Variants in CAMTA1 observed in about 807,000 individuals in gnomAD.
CAMTA1 encodes calmodulin binding transcription activator 1.
In CAMTA1, 27 loss-of-function variants were observed where a neutral mutation model predicts 170.9. The ratio of observed to expected loss-of-function variants is 0.16; its 90% confidence interval spans 0.12 to 0.22. The LOEUF (loss-of-function observed/expected upper bound fraction) is 0.22. Among genes scored for constraint, CAMTA1 ranks in the 10% least tolerant of loss-of-function variants. The pLI is 1.00. For synonymous variants in CAMTA1, 833 were observed against 891.5 expected, an observed-to-expected ratio of 0.93 and a Z score of 1.17; for missense variants, 1,619 against 2,217.2, an observed-to-expected ratio of 0.73 and a Z score of 5.42.
chr1:7,486,564 C>CG (rs1216210696), intron 6 of CAMTA1, among the ~76,000 whole-genome samples: 1 of 152,206 alleles, frequency 6.6e-6, no homozygotes, highest in Admixed American at 6.5e-5. Flanking sequence ...CCAAGGCTGA[C>CG]GGGGGCCTGC....
intron 3 of CAMTA1, among the ~76,000 whole-genome samples, chr1:6,854,484 CTGT>C (rs931544999): frequency 3.4e-4 from 51 of 152,176 alleles, no homozygotes; most frequent in African/African-American, 1.1e-3. Context: ...GAATGTATCC[CTGT>C]TGTTAAGCAA....
chr1:7,435,362 G>A lies in CAMTA1; in HGVS notation c.439-32468G>A, dbSNP rs1289002809. Among the ~76,000 whole-genome samples, 1 of 152,170 alleles carries A rather than the reference G, an allele frequency of 6.6e-6. No homozygotes were observed. Among genetic ancestry groups the A allele is most frequent in the East Asian group, 1.9e-4 (1 of 5,180 alleles). ...CAGAATCCCATCATTCTAAAGCCCA[G>A]AATCCCAGAACTCCAGAATTCCAAG... On this transcript the variant is annotated intron_variant, in intron 5 of 22. Coordinates refer to ENST00000303635, the MANE Select transcript of CAMTA1 (RefSeq NM_015215.4). This position sits in a 1 kb window ranked among gnomAD's most constrained non-coding sequence, Gnocchi z 4.4.
At chr1:7,221,043 G>T (rs1299509936) in intron 4 of CAMTA1, among the ~76,000 whole-genome samples, 1 of 152,162 alleles carries the variant, frequency 6.6e-6, no homozygotes, top group Non-Finnish European at 1.5e-5. Flanking sequence ...GAGAGCCAGG[G>T]CAGCAAGCAC....
At chr1:7,303,157 A>G (rs994189877) in intron 5 of CAMTA1, among the ~76,000 whole-genome samples, 1 of 152,194 alleles carries the variant, frequency 6.6e-6, no homozygotes, top group African/African-American at 2.4e-5. Context: ...AACATTAACT[A>G]GTATAAGCAC....
chr1:7,216,035 A>T lies in CAMTA1; in HGVS notation c.303-33456A>T, dbSNP rs773929120. ...TTTATAAAGACAAGAAGTTTAATTG[A>T]CTCATGGTTCCACAGGCTTTACAGG... On this transcript the variant is annotated intron_variant, in intron 4 of 22. Transcript: ENST00000303635. The surrounding 1 kb of genome is among the most constrained non-coding windows in gnomAD (Gnocchi z 4.0). Among the ~76,000 whole-genome samples the T allele has an allele frequency of 6.6e-6, 1 of 152,158 alleles. No homozygotes were observed. Among genetic ancestry groups the T allele is most frequent in the Non-Finnish European group, 1.5e-5 (1 of 68,028 alleles).
rs1188083081 is a variant in CAMTA1, at chr1:7,682,982, T to A, written c.2914+5249T>A. 6.6e-6 allele frequency among the ~76,000 whole-genome samples: 1 copy of A among 152,060 alleles called. No individual in the cohort carries two copies. Among genetic ancestry groups the A allele is most frequent in the African/African-American group, 2.4e-5 (1 of 41,408 alleles). On this transcript the variant is annotated intron_variant, in intron 11 of 22. Transcript: ENST00000303635. This position sits in a 1 kb window ranked among gnomAD's most constrained non-coding sequence, Gnocchi z 5.0. Reference sequence around the variant, plus strand: ...GTCAGGAGATCGAGCCCATCCTGGTTAACACGGTGAAACCCCGCCTCTACT... The same window carrying A: ...GTCAGGAGATCGAGCCCATCCTGGTAAACACGGTGAAACCCCGCCTCTACT...
intron 3 of CAMTA1, among the ~76,000 whole-genome samples, chr1:6,852,111 C>A (rs1203016519): frequency 2.0e-5 from 3 of 151,604 alleles, no homozygotes; most frequent in Non-Finnish European, 4.4e-5. Flanking sequence ...AATAGTGCAT[C>A]CTTCTCAGAA....
intron 3 of CAMTA1, among the ~76,000 whole-genome samples, chr1:7,049,399 T>A (rs146547230): frequency 7.2e-5 from 11 of 152,318 alleles, no homozygotes; most frequent in Admixed American, 1.3e-4. Flanking sequence ...GATCCTGCTA[T>A]GCATATTGTT....
intron 7 of CAMTA1, among the ~76,000 whole-genome samples, chr1:7,650,712 G>A (rs571504309): frequency 4.1e-4 from 63 of 152,264 alleles, no homozygotes; most frequent in African/African-American, 1.3e-3. Flanking sequence ...CAGCCTCTGC[G>A]CTCCTCGAAA....
rs532742552 is a variant in CAMTA1 at position 6,894,254 on chromosome 1, G to A, written c.234+69044G>A. Among the ~76,000 whole-genome samples the A allele has an allele frequency of 2.6e-4, 39 of 152,362 alleles. 1 individual carries two copies. The highest frequency in any genetic ancestry group is 8.9e-4 in the African/African-American group (37 of 41,586). On this transcript the variant is annotated intron_variant, in intron 3 of 22. Coordinates refer to ENST00000303635, the MANE Select transcript of CAMTA1 (RefSeq NM_015215.4). ...TAAGAACCAGCCATTCACTGTGAAA[G>A]CGAAGTTGCTGGGAAGTTTGTTTTA...
intron 6 of CAMTA1, among the ~76,000 whole-genome samples, chr1:7,591,766 A>C (rs1008913249): frequency 6.6e-6 from 1 of 152,210 alleles, no homozygotes; most frequent in Non-Finnish European, 1.5e-5. Flanking sequence ...CACCGTGCTC[A>C]GGCCACGCTG....
intron 3 of CAMTA1, among the ~76,000 whole-genome samples, chr1:6,898,391 A>C (rs1362915560): frequency 6.6e-6 from 1 of 152,094 alleles, no homozygotes; most frequent in Non-Finnish European, 1.5e-5. Flanking sequence ...GTCTCTACTA[A>C]AAATAGAAAA....
intron 3 of CAMTA1, among the ~76,000 whole-genome samples, chr1:7,029,219 C>T (rs1292515250): frequency 2.6e-5 from 4 of 152,078 alleles, no homozygotes; most frequent in East Asian, 3.8e-4. Flanking sequence ...ATCAAGGGCT[C>T]GGCTGGGCAC....
chr1:7,109,507 A>G (rs936950418), intron 4 of CAMTA1, among the ~76,000 whole-genome samples: 5 of 152,216 alleles, frequency 3.3e-5, no homozygotes, highest in African/African-American at 1.2e-4. Flanking sequence ...ATTGATGCCC[A>G]GAGCAGACAT....
At chr1:7,530,314 T>G (rs986757764) in intron 6 of CAMTA1, among the ~76,000 whole-genome samples, 1 of 152,220 alleles carries the variant, frequency 6.6e-6, no homozygotes, top group Admixed American at 6.5e-5. Context: ...AGAAGTAATT[T>G]GTTATTAGTG....
At chr1:7,459,342 C>T (rs2093030843) in intron 5 of CAMTA1, among the ~76,000 whole-genome samples, 1 of 152,174 alleles carries the variant, frequency 6.6e-6, no homozygotes, top group African/African-American at 2.4e-5. Flanking sequence ...CCTTGCCCCA[C>T]ACAGGATCTT....
At chr1:7,353,192 A>G (rs2084818161) in intron 5 of CAMTA1, among the ~76,000 whole-genome samples, 1 of 152,212 alleles carries the variant, frequency 6.6e-6, no homozygotes, top group South Asian at 2.1e-4. Flanking sequence ...CAATAAAATT[A>G]CATGAGGGCA....
Position 7,378,476 on chromosome 1 carries a change from C to T in CAMTA1, c.439-89354C>T, listed in dbSNP as rs112495932. The stretch of plus-strand genomic sequence containing the variant: ...GCTACCACCAGGATGAACCTGAGGA[C>T]GTATTGCTGAGTGAAAGAAGTCAGT... On this transcript the variant is annotated intron_variant, in intron 5 of 22. Transcript: ENST00000303635. Among the ~76,000 whole-genome samples the T allele has an allele frequency of 7.5e-3, 1,144 of 152,254 alleles. 11 individuals are homozygous for T. The highest frequency in any genetic ancestry group is 0.026 in the African/African-American group (1,095 of 41,540).
chr1:6,838,028 A>G (rs946493578), intron 3 of CAMTA1, among the ~76,000 whole-genome samples: 2 of 152,216 alleles, frequency 1.3e-5, no homozygotes, highest in Non-Finnish European at 2.9e-5. Flanking sequence ...CCAGGTGGAC[A>G]TGGCATACAT....
Sources: allele counts gnomAD v4.1 joint callset (sites outside exome capture counted in the v4.1 genomes callset), GRCh38; gene constraint gnomAD v4.1.1; non-coding constraint Gnocchi (gnomAD v3.1); transcripts MANE v1.5; gene names NCBI Gene and HGNC (gene_info 2026-07-23, HGNC 2026-07-21).